The following CCNY variants were observed in gnomAD, a reference collection of about 807,000 sequenced individuals.
CCNY encodes the protein cyclin Y, also known as cyclin-Y.
In CCNY, 19 loss-of-function variants were observed where a neutral mutation model predicts 42.8. The ratio of observed to expected loss-of-function variants is 0.44; its 90% confidence interval spans 0.31 to 0.65. The LOEUF is 0.65. Ranked by LOEUF, CCNY falls within the 30% of genes least tolerant of loss-of-function variation. The pLI, the probability that CCNY is intolerant of heterozygous loss-of-function variation, is 0.07. For synonymous variants in CCNY, 165 were observed against 162.7 expected (o/e 1.01, Z -0.11); for missense variants, 370 against 437.3 (o/e 0.85, Z 1.37).
intron 3 of CCNY, among the ~76,000 whole-genome samples, chr10:35,254,880 T>C (rs1269044537): frequency 1.3e-5 from 2 of 148,920 alleles, no homozygotes; most frequent in South Asian, 2.1e-4. Flanking sequence ...AAAAGGTGTG[T>C]TGTTTAATTT....
rs974013734 is a variant in CCNY at position 35,318,308 on chromosome 10, C to G, written c.-9+67682C>G. Reference sequence around the variant, plus strand: ...AAGGGCAAGAAAGCAGAGTTGTGACCACCAACTCTGTGCATGTGCAACTAC... The same window carrying G: ...AAGGGCAAGAAAGCAGAGTTGTGACGACCAACTCTGTGCATGTGCAACTAC... On this transcript the variant is annotated intron_variant, in intron 3 of 11. Transcript: ENST00000374706. Among the ~76,000 whole-genome samples, 24 of 152,142 alleles carry G rather than the reference C, an allele frequency of 1.6e-4. No individual in the cohort carries two copies. In the South Asian group the frequency reaches 2.3e-3, roughly 14 times the overall value.
intron 2 of CCNY, among the ~76,000 whole-genome samples, chr10:35,490,184 C>G (rs1469056350): frequency 6.6e-6 from 1 of 152,214 alleles, no homozygotes; most frequent in East Asian, 1.9e-4. Flanking sequence ...TTTTCAGCTT[C>G]TCTTTTGATT....
chr10:35,544,017 A>C lies in CCNY; in HGVS notation c.580-9002A>C, dbSNP rs192353732. Reference sequence around the variant, plus strand: ...GTACAGCTGTATGATGTATGTTTTTACCTAAGTGTTATTACAAGAGTCCAA... The same window carrying C: ...GTACAGCTGTATGATGTATGTTTTTCCCTAAGTGTTATTACAAGAGTCCAA... On this transcript the variant is annotated intron_variant, in intron 7 of 9. Transcript: ENST00000374704. Among the ~76,000 whole-genome samples, 25 of 152,382 alleles carry C rather than the reference A, an allele frequency of 1.6e-4. No individual in the cohort carries two copies. The East Asian group carries it at 4.6e-3, about 28-fold the overall frequency.
intron 7 of CCNY, among the ~76,000 whole-genome samples, chr10:35,533,882 A>G (rs911769757): frequency 6.6e-6 from 1 of 152,238 alleles, no homozygotes; most frequent in Admixed American, 6.5e-5. Flanking sequence ...TTGAACATGT[A>G]GTGAGCACAG....
At chr10:35,514,502 G>A (rs1412049900) in intron 3 of CCNY, among the ~76,000 whole-genome samples, 3 of 152,152 alleles carry the variant, frequency 2.0e-5, no homozygotes, top group Admixed American at 2.0e-4. Context: ...GCACACAGAG[G>A]GGTGGTGCCC....
At chr10:35,447,149 C>T (rs868112736) in intron 1 of CCNY, among the ~76,000 whole-genome samples, 4 of 152,222 alleles carry the variant, frequency 2.6e-5, no homozygotes, top group South Asian at 2.1e-4. Context: ...TGGTGGCGGG[C>T]GCCTGTAGTC....
chr10:35,334,306 T>C (rs1835980640), upstream of CCNY, among the ~76,000 whole-genome samples: 1 of 152,208 alleles, frequency 6.6e-6, no homozygotes, highest in African/African-American at 2.4e-5. Flanking sequence ...GCTTAATGCA[T>C]CTGAGTAGAT....
intron 2 of CCNY, among the ~76,000 whole-genome samples, chr10:35,494,492 A>G (rs1482037919): frequency 6.6e-6 from 1 of 152,154 alleles, no homozygotes; most frequent in Non-Finnish European, 1.5e-5. Context: ...AACAAATACA[A>G]TCATAATCAT....
chr10:35,355,437 G>A (rs1386637886), intron 1 of CCNY, among the ~76,000 whole-genome samples: 3 of 151,940 alleles, frequency 2.0e-5, no homozygotes. Context: ...CAGCACTTTG[G>A]GAGGCAGAGG....
At chr10:35,457,187 C>T (rs1463108172) in intron 1 of CCNY, among the ~76,000 whole-genome samples, 1 of 152,160 alleles carries the variant, frequency 6.6e-6, no homozygotes, top group East Asian at 1.9e-4. Context: ...GTGCTTTCTC[C>T]TTTTCATTCT....
chr10:35,247,409 A>T (rs1344943224), intron 1 of CCNY, among the ~76,000 whole-genome samples: 1 of 151,610 alleles, frequency 6.6e-6, no homozygotes, highest in African/African-American at 2.4e-5. Flanking sequence ...ACATAGTGAG[A>T]CCCTGTGTCT....
At chr10:35,284,935 T>C (rs1037841412) in intron 3 of CCNY, among the ~76,000 whole-genome samples, 3 of 152,216 alleles carry the variant, frequency 2.0e-5, no homozygotes, top group African/African-American at 4.8e-5. Flanking sequence ...CTTTCTCTTA[T>C]TCAGTTCCAG....
Position 35,370,976 on chromosome 10 carries a change from A to G in CCNY, c.154+33769A>G, listed in dbSNP as rs187716996. ...GTGATCCGTCCGCCTCGGCCTCTCA[A>G]AGTGCTAGGATTAGAGGCGTGAGCC... On this transcript the variant is annotated intron_variant, in intron 1 of 9. Transcript: ENST00000374704. Among the ~76,000 whole-genome samples the G allele has an allele frequency of 2.6e-4, 40 of 152,208 alleles. 1 individual carries two copies. The highest frequency in any genetic ancestry group is 7.5e-4 in the African/African-American group (31 of 41,524).
Position 35,569,281 on chromosome 10 carries a change from C to T in CCNY, c.*111C>T, listed in dbSNP as rs532701002. On this transcript the variant is annotated 3_prime_UTR_variant, in exon 10 of 10. Transcript: ENST00000374704. ...TTTTTTCTTTCCTTTTCTTTTTTTA[C>T]GCATAGCTCCGTCAAGCTGCCTGGA... The T allele has an allele frequency of 1.3e-3, 900 of 700,824 alleles. 20 individuals are homozygous for T. The South Asian group carries it at 0.014, about 11-fold the overall frequency. The allele number at this position is 700,824 out of a possible 1,614,324, so 43.4% of individuals were successfully genotyped here.
intron 1 of CCNY, among the ~76,000 whole-genome samples, chr10:35,451,525 C>T (rs1451118298): frequency 6.6e-6 from 1 of 152,142 alleles, no homozygotes; most frequent in Non-Finnish European, 1.5e-5. Flanking sequence ...TGAGTGAAAC[C>T]CAGAGCACTT....
At chr10:35,362,830 G>T (rs574687671) in intron 1 of CCNY, among the ~76,000 whole-genome samples, 1 of 151,118 alleles carries the variant, frequency 6.6e-6, no homozygotes, top group Non-Finnish European at 1.5e-5. Flanking sequence ...TTGGCGGGGG[G>T]GCCAGGCAGA....
At chr10:35,539,099 A>G (rs182750149) in intron 7 of CCNY, among the ~76,000 whole-genome samples, 7 of 152,290 alleles carry the variant, frequency 4.6e-5, no homozygotes, top group Admixed American at 3.3e-4. Context: ...TGGGTTTTCA[A>G]TTTTGTTCCA....
chr10:35,532,836 T>G (rs1840797208), intron 7 of CCNY, among the ~76,000 whole-genome samples: 2 of 152,210 alleles, frequency 1.3e-5, no homozygotes, highest in South Asian at 4.1e-4. Context: ...ATGCGGTACT[T>G]CGACAACATG....
chr10:35,250,055 A>C (rs866920815), intron 2 of CCNY, among the ~76,000 whole-genome samples: 3 of 152,034 alleles, frequency 2.0e-5, no homozygotes, highest in Non-Finnish European at 4.4e-5. Flanking sequence ...TTAGCTGGGC[A>C]TGGTGGCGGG....
Sources: allele counts gnomAD v4.1 joint callset (sites outside exome capture counted in the v4.1 genomes callset), GRCh38; gene constraint gnomAD v4.1.1; transcripts MANE v1.5; gene names NCBI Gene and HGNC (gene_info 2026-07-23, HGNC 2026-07-21).